FNDC3B: variants seen among roughly 807,000 people sequenced by gnomAD.
FNDC3B encodes the protein fibronectin type III domain containing 3B.
A neutral mutation model predicts 151.5 loss-of-function variants in FNDC3B; 12 were observed. The observed-to-expected ratio is 0.08, with a 90% confidence interval of 0.05 to 0.13. FNDC3B has a LOEUF of 0.13. FNDC3B is among the 10% of genes least tolerant of loss of function. The pLI is 1.00. For synonymous variants in FNDC3B, 528 were observed against 549.0 expected, an observed-to-expected ratio of 0.96 and a Z score of 0.54; for missense variants, 1,214 against 1,505.3, an observed-to-expected ratio of 0.81 and a Z score of 3.20.
At chr3:172,392,138 G>A (rs906240355) in intron 25 of FNDC3B, among the ~76,000 whole-genome samples, 1 of 152,116 alleles carries the variant, frequency 6.6e-6, no homozygotes, top group South Asian at 2.1e-4. Context: ...ATCTTAAAAC[G>A]TTCATTTAGA....
chr3:172,213,892 A>C (rs375015157), intron 3 of FNDC3B, among the ~76,000 whole-genome samples: 63 of 152,312 alleles, frequency 4.1e-4, no homozygotes, highest in African/African-American at 1.4e-3. Flanking sequence ...GATTTGTCTC[A>C]GGCCCCCTTA....
At chr3:172,372,808 C>G (rs1477940331) in intron 23 of FNDC3B, among the ~76,000 whole-genome samples, 1 of 152,158 alleles carries the variant, frequency 6.6e-6, no homozygotes, top group Non-Finnish European at 1.5e-5. Flanking sequence ...ATATGCCAGG[C>G]TCTTACTGTG....
At chr3:172,267,277 TCCCAAGTAGCTGG>T (rs1228797211) in intron 6 of FNDC3B, among the ~76,000 whole-genome samples, 1 of 151,874 alleles carries the variant, frequency 6.6e-6, no homozygotes, top group Non-Finnish European at 1.5e-5. Context: ...CACCTCAGCC[TCCCAAGTAGCTGG>T]GACTGTGGGC....
intron 7 of FNDC3B, among the ~76,000 whole-genome samples, chr3:172,294,167 T>C (rs973533011): frequency 3.3e-5 from 5 of 152,222 alleles, no homozygotes; most frequent in Non-Finnish European, 5.9e-5. Context: ...AAACCAAGTA[T>C]TGAGTGCAAA....
chr3:172,168,902 G>A lies in FNDC3B; in HGVS notation c.187+35356G>A, dbSNP rs1281957884. ...AATTTTTGTTATTTTTGCTAGAGAC[G>A]GGGTTTCACCATGTTGGCCAGGCTG... On this transcript the variant is annotated intron_variant, in intron 3 of 25. Coordinates refer to ENST00000415807, the MANE Select transcript of FNDC3B (RefSeq NM_022763.4). Among the ~76,000 whole-genome samples the A allele has an allele frequency of 3.3e-5, 5 of 149,770 alleles. 1 individual carries two copies. The highest frequency in any genetic ancestry group is 3.9e-4 in the East Asian group (2 of 5,160).
chr3:172,337,467 G>T (rs777040118), intron 16 of FNDC3B, 66 bp downstream of exon 16: 1 of 997,692 alleles, frequency 1.0e-6, no homozygotes, highest in South Asian at 1.3e-5. Context: ...TATAGTAAAT[G>T]TCTTTATAGT....
At chr3:172,213,112 G>A (rs890753093) in intron 3 of FNDC3B, among the ~76,000 whole-genome samples, 4 of 152,062 alleles carry the variant, frequency 2.6e-5, no homozygotes, top group Admixed American at 2.6e-4. Context: ...TTTTCAAAGA[G>A]AGGATCAGCT....
chr3:172,173,738 T>C (rs1276900074), intron 3 of FNDC3B, among the ~76,000 whole-genome samples: 3 of 152,222 alleles, frequency 2.0e-5, no homozygotes, highest in African/African-American at 7.2e-5. Context: ...GGAGGATCTC[T>C]TGAGCCTGGG....
intron 4 of FNDC3B, 137 bp from the exon 5 acceptor site, chr3:172,247,396 G>A: frequency 1.1e-6 from 1 of 897,050 alleles, no homozygotes; most frequent in South Asian, 1.8e-5. Context: ...TTGAACTAGA[G>A]AACCAGAATA....
chr3:172,089,969 A>T (rs1718730868), intron 1 of FNDC3B, among the ~76,000 whole-genome samples: 1 of 152,206 alleles, frequency 6.6e-6, no homozygotes. Flanking sequence ...TTTGGGTGTG[A>T]TATCTGTCAG....
chr3:172,325,305 G>A (rs1180288872), intron 11 of FNDC3B, among the ~76,000 whole-genome samples: 1 of 152,174 alleles, frequency 6.6e-6, no homozygotes, highest in African/African-American at 2.4e-5. Flanking sequence ...GCGGGAACGT[G>A]CCATAGATTA....
At chr3:172,117,303 G>A (rs1194337169) in intron 2 of FNDC3B, among the ~76,000 whole-genome samples, 1 of 152,070 alleles carries the variant, frequency 6.6e-6, no homozygotes, top group East Asian at 1.9e-4. Context: ...TTAATGTGTG[G>A]CTATTATAAA....
intron 22 of FNDC3B, among the ~76,000 whole-genome samples, chr3:172,357,263 G>A (rs1734141651): frequency 6.6e-6 from 1 of 152,132 alleles, no homozygotes; most frequent in Admixed American, 6.5e-5. Context: ...GAATTTGCTT[G>A]GGATTACATT....
At chr3:172,206,289 G>T (rs77211941) in intron 3 of FNDC3B, among the ~76,000 whole-genome samples, 6,500 of 152,250 alleles carry the variant, frequency 0.043, 340 homozygotes, top group African/African-American at 0.12. Flanking sequence ...TCCATTGCTA[G>T]AGGATTGGAC....
chr3:172,128,953 T>C (rs776689367), intron 2 of FNDC3B, among the ~76,000 whole-genome samples: 1 of 152,178 alleles, frequency 6.6e-6, no homozygotes, highest in African/African-American at 2.4e-5. Flanking sequence ...CTTTGGTCAG[T>C]TGGTACTCTT....
intron 3 of FNDC3B, among the ~76,000 whole-genome samples, chr3:172,211,623 A>G (rs1725735811): frequency 1.3e-5 from 2 of 152,242 alleles, no homozygotes; most frequent in African/African-American, 2.4e-5. Flanking sequence ...ATGGGATTCA[A>G]CTGCCTAAGT....
chr3:172,289,058 C>T (rs555090390), intron 7 of FNDC3B, among the ~76,000 whole-genome samples: 2 of 152,178 alleles, frequency 1.3e-5, no homozygotes, highest in African/African-American at 4.8e-5. Flanking sequence ...TAAAACAGTA[C>T]AAATTTATTG....
chr3:172,279,621 T>C (rs1446045451), intron 6 of FNDC3B, among the ~76,000 whole-genome samples: 1 of 152,222 alleles, frequency 6.6e-6, no homozygotes. Flanking sequence ...ATGATTGATA[T>C]CTCAAGATAT....
At chr3:172,250,175 C>G (rs62281813) in intron 5 of FNDC3B, among the ~76,000 whole-genome samples, 22,580 of 152,052 alleles carry the variant, frequency 0.15, 1,825 homozygotes, top group African/African-American at 0.21. Context: ...CCCTTGAGAT[C>G]ATAAGATTGC....
Sources: allele counts gnomAD v4.1 joint callset (sites outside exome capture counted in the v4.1 genomes callset), GRCh38; gene constraint gnomAD v4.1.1; transcripts MANE v1.5; gene names NCBI Gene and HGNC (gene_info 2026-07-23, HGNC 2026-07-21).